CCSER1: variants seen among roughly 807,000 people sequenced by gnomAD.
The protein encoded by CCSER1 is serine-rich coiled-coil domain-containing protein 1.
A neutral mutation model predicts 82.0 loss-of-function variants in CCSER1; 41 were observed. The observed-to-expected ratio is 0.50, with a 90% CI of 0.39 to 0.65. The LOEUF (loss-of-function observed/expected upper bound fraction) is 0.65, where lower values mean the gene tolerates loss of function less well. Ranked by LOEUF, CCSER1 falls within the 30% of genes least tolerant of loss-of-function variation. The pLI, the probability that CCSER1 is intolerant of heterozygous loss-of-function variation, is 0.00. For missense variants in CCSER1, 1,119 were observed against 1,064.2 expected (o/e 1.05, Z -0.72); for synonymous variants, 414 against 383.9 (o/e 1.08, Z -0.92).
At chr4:90,525,677 A>G (rs1773670413) in intron 5 of CCSER1, among the ~76,000 whole-genome samples, 1 of 152,036 alleles carries the variant, frequency 6.6e-6, no homozygotes. Context: ...TGATTAAATC[A>G]TCATCAAAGG....
At chr4:91,138,906 G>T (rs1015636526) in intron 10 of CCSER1, among the ~76,000 whole-genome samples, 3 of 152,126 alleles carry the variant, frequency 2.0e-5, no homozygotes, top group Admixed American at 2.0e-4. Context: ...TTTAGATTCT[G>T]GGGTTACATT....
intron 10 of CCSER1, among the ~76,000 whole-genome samples, chr4:91,455,275 C>T (rs143368032): frequency 6.6e-6 from 1 of 152,120 alleles, no homozygotes; most frequent in East Asian, 1.9e-4. Context: ...GTGCTGTAGT[C>T]ATTTATGTTT....
intron 6 of CCSER1, among the ~76,000 whole-genome samples, chr4:90,697,586 C>T (rs1168977122): frequency 6.6e-6 from 1 of 152,096 alleles, no homozygotes; most frequent in Admixed American, 6.6e-5. Context: ...CGCCCACAAT[C>T]ATTTCAGTTC....
At chr4:91,242,163 T>C (rs749548358) in intron 10 of CCSER1, among the ~76,000 whole-genome samples, 27 of 151,544 alleles carry the variant, frequency 1.8e-4, no homozygotes, top group Non-Finnish European at 3.8e-4. Context: ...AAAGGAAATG[T>C]GTTTGAGAAA....
intron 7 of CCSER1, among the ~76,000 whole-genome samples, chr4:90,763,821 T>C (rs573757077): frequency 3.3e-5 from 5 of 152,182 alleles, no homozygotes; most frequent in Non-Finnish European, 7.4e-5. Flanking sequence ...GTCTCCTTCA[T>C]TCATTGAACC....
intron 5 of CCSER1, among the ~76,000 whole-genome samples, chr4:90,544,419 A>C (rs1776495310): frequency 6.6e-6 from 1 of 152,184 alleles, no homozygotes; most frequent in African/African-American, 2.4e-5. Context: ...CATGTGGCAG[A>C]GTCTAGGAAA....
intron 5 of CCSER1, among the ~76,000 whole-genome samples, chr4:90,562,669 C>A (rs1778915352): frequency 6.6e-6 from 1 of 151,858 alleles, no homozygotes; most frequent in Non-Finnish European, 1.5e-5. Context: ...TCCCAAGTAG[C>A]TGGGACTACA....
At chr4:91,361,929 A>AT (rs1749272147) in intron 10 of CCSER1, among the ~76,000 whole-genome samples, 1 of 151,772 alleles carries the variant, frequency 6.6e-6, no homozygotes, top group South Asian at 2.1e-4. Context: ...GAAAAATAAA[A>AT]TGGGGAGGGT....
chr4:90,602,438 C>A (rs969842677), intron 5 of CCSER1, among the ~76,000 whole-genome samples: 2 of 151,984 alleles, frequency 1.3e-5, no homozygotes, highest in Non-Finnish European at 2.9e-5. Context: ...TTAGGTCTTT[C>A]GGCTTGATCA....
At position 91,602,084 on chromosome 4, in the gene CCSER1, C is replaced by CA. The variant is rs148066440; in HGVS notation, c.*3029dup. Among the ~76,000 whole-genome samples the CA allele has an allele frequency of 2.0e-3, 308 of 152,168 alleles. 5 individuals are homozygous for CA. Among genetic ancestry groups the CA allele is most frequent in the Admixed American group, 0.014 (209 of 15,254 alleles). On this transcript the variant is annotated 3_prime_UTR_variant, in exon 11 of 11. Coordinates refer to ENST00000509176, the MANE Select transcript of CCSER1 (RefSeq NM_001145065.2). Reference sequence around the variant, plus strand: ...GCTAAAGATGTGAATCCACCACTATCAATACGGTCAGGGTAAAACCTGGAG... The same window carrying CA: ...GCTAAAGATGTGAATCCACCACTATCAAATACGGTCAGGGTAAAACCTGGAG...
chr4:91,382,225 T>C (rs1200848758), intron 10 of CCSER1, among the ~76,000 whole-genome samples: 1 of 152,164 alleles, frequency 6.6e-6, no homozygotes, highest in African/African-American at 2.4e-5. Context: ...TTCACAGCTG[T>C]CAGACAGGGA....
chr4:91,370,906 G>A (rs1298157309), intron 10 of CCSER1, among the ~76,000 whole-genome samples: 1 of 152,028 alleles, frequency 6.6e-6, no homozygotes, highest in Non-Finnish European at 1.5e-5. Context: ...CTGTCGCCCA[G>A]GTTGGAGTGC....
intron 8 of CCSER1, among the ~76,000 whole-genome samples, chr4:90,904,653 C>T (rs575020868): frequency 3.3e-5 from 5 of 152,066 alleles, no homozygotes; most frequent in East Asian, 1.9e-4. Context: ...GTATGTGTGA[C>T]GGGAGCAATA....
chr4:91,227,458 G>T (rs1398898799), intron 10 of CCSER1, among the ~76,000 whole-genome samples: 4 of 151,668 alleles, frequency 2.6e-5, no homozygotes, highest in Non-Finnish European at 5.9e-5. Context: ...TTGTGTGTGT[G>T]TATGTGTATG....
At chr4:90,312,518 T>C (rs1445126627) in intron 2 of CCSER1, among the ~76,000 whole-genome samples, 1 of 152,078 alleles carries the variant, frequency 6.6e-6, no homozygotes, top group Non-Finnish European at 1.5e-5. Context: ...GTAGGAGAAT[T>C]GTAGCAAATA....
intron 3 of CCSER1, among the ~76,000 whole-genome samples, chr4:90,339,214 A>G (rs1177457578): frequency 6.6e-6 from 1 of 152,098 alleles, no homozygotes; most frequent in East Asian, 1.9e-4. Context: ...ACTCACATTT[A>G]TGTCATTCCC....
intron 1 of CCSER1, among the ~76,000 whole-genome samples, chr4:90,142,066 G>T (rs951578668): frequency 6.6e-6 from 1 of 152,090 alleles, no homozygotes; most frequent in Admixed American, 6.6e-5. Context: ...CTCTAAATAG[G>T]TATTTTTAAT....
intron 1 of CCSER1, among the ~76,000 whole-genome samples, chr4:90,178,770 A>C (rs911767100): frequency 5.9e-5 from 9 of 152,152 alleles, no homozygotes; most frequent in African/African-American, 2.2e-4. Flanking sequence ...TGAACTGATC[A>C]TTTTGCTCCT....
chr4:91,353,027 C>T (rs1386880329), intron 10 of CCSER1, among the ~76,000 whole-genome samples: 1 of 152,070 alleles, frequency 6.6e-6, no homozygotes, highest in Non-Finnish European at 1.5e-5. Flanking sequence ...CCAACAGAGA[C>T]AAGAATGGAG....
Sources: gnomAD v4.1 joint callset for allele counts (sites outside exome capture counted in the v4.1 genomes callset) on GRCh38, gnomAD v4.1.1 for gene constraint, MANE v1.5 for transcripts, NCBI Gene and HGNC (gene_info 2026-07-23, HGNC 2026-07-21) for gene names.